ZNF804A: variants seen among roughly 807,000 people sequenced by gnomAD.
ZNF804A encodes the protein zinc finger protein 804A.
A neutral mutation model predicts 16.5 loss-of-function variants in ZNF804A; 2 were observed. The observed-to-expected ratio is 0.12, with a 90% CI of 0.05 to 0.38. The LOEUF is 0.38. Among genes scored for constraint, ZNF804A ranks in the 10% least tolerant of loss-of-function variants. The probability of loss-of-function intolerance (pLI) is 0.99; values close to 1 mark genes in which losing one functional copy is unlikely to be tolerated. For synonymous variants in ZNF804A, 534 were observed against 489.6 expected (o/e 1.09, Z -1.20); for missense variants, 1,473 against 1,390.7 (o/e 1.06, Z -0.94).
chr2:184,722,412 C>G (rs1693333234), intron 1 of ZNF804A, among the ~76,000 whole-genome samples: 1 of 151,948 alleles, frequency 6.6e-6, no homozygotes, highest in African/African-American at 2.4e-5. Context: ...ACATGGCTAT[C>G]TAGGAAATGT....
At chr2:184,656,752 A>G (rs1459708175) in intron 1 of ZNF804A, among the ~76,000 whole-genome samples, 3 of 151,748 alleles carry the variant, frequency 2.0e-5, no homozygotes, top group African/African-American at 7.3e-5. Context: ...ACACACACAT[A>G]TATATATACA....
At chr2:184,624,321 C>A (rs546421110) in intron 1 of ZNF804A, among the ~76,000 whole-genome samples, 4 of 152,146 alleles carry the variant, frequency 2.6e-5, no homozygotes, top group African/African-American at 9.7e-5. Context: ...TACTATAAGA[C>A]ATCTACAAGC....
In ZNF804A at chr2:184,801,994, TC is replaced by T. The variant is rs374274379; in HGVS notation, c.112-64374del. On this transcript the variant is annotated intron_variant, in intron 1 of 3. Transcript: ENST00000302277. ...CTGTAGGTGTCAGAGGCTTCAAATG[TC>T]TAGCACCCTGTTGTCCGGGGGCTTG... Among the ~76,000 whole-genome samples the T allele has an allele frequency of 3.5e-3, 531 of 152,314 alleles. 2 individuals carry two copies. Among genetic ancestry groups the T allele is most frequent in the Middle Eastern group, 0.017 (5 of 294 alleles).
rs184292526 is a variant in ZNF804A, at chr2:184,795,516, A to G, written c.112-70853A>G. ...CTAAGGTCACACCTCAAGGAACTAGAGAAAAAAAGAACAAATCAAACCCAA... is the reference window on the plus strand; with the variant it reads ...CTAAGGTCACACCTCAAGGAACTAGGGAAAAAAAGAACAAATCAAACCCAA... On this transcript the variant is annotated intron_variant, in intron 1 of 3. Transcript: ENST00000302277. 6.0e-4 allele frequency among the ~76,000 whole-genome samples: 91 copies of G among 152,240 alleles called. 1 individual carries two copies. Among genetic ancestry groups the G allele is most frequent in the South Asian group, 2.1e-4 (1 of 4,826 alleles).
rs115682664 is a variant in ZNF804A, at chr2:184,769,069, C to T, written c.112-97300C>T. Among the ~76,000 whole-genome samples, 1,329 of 152,126 alleles carry T rather than the reference C, an allele frequency of 8.7e-3. 17 individuals are homozygous for T. Among genetic ancestry groups the T allele is most frequent in the Non-Finnish European group, 0.014 (955 of 67,972 alleles). ...GCTTTTATTCATATGTTTTATAGCA[C>T]TTTCATGTCTTGTGTAGAGGGAAGG... is the stretch of plus-strand genomic sequence containing the variant. On this transcript the variant is annotated intron_variant, in intron 1 of 3. Transcript: ENST00000302277.
At chr2:184,886,157 G>A (rs910294357) in intron 2 of ZNF804A, among the ~76,000 whole-genome samples, 1 of 152,182 alleles carries the variant, frequency 6.6e-6, no homozygotes, top group Non-Finnish European at 1.5e-5. Context: ...CCAAATGGGA[G>A]AAATTGGCCA....
intron 1 of ZNF804A, among the ~76,000 whole-genome samples, chr2:184,734,478 C>A (rs780380480): frequency 1.1e-4 from 16 of 152,122 alleles, no homozygotes; most frequent in Non-Finnish European, 1.0e-4. Context: ...GATTTTCCAG[C>A]TATCCATCTG....
intron 2 of ZNF804A, among the ~76,000 whole-genome samples, chr2:184,923,323 A>G (rs575408194): frequency 6.6e-6 from 1 of 152,060 alleles, no homozygotes; most frequent in African/African-American, 2.4e-5. Flanking sequence ...AAATGAAATT[A>G]CTTTCTTAAT....
chr2:184,728,796 C>T (rs1309490747), intron 1 of ZNF804A, among the ~76,000 whole-genome samples: 1 of 151,766 alleles, frequency 6.6e-6, no homozygotes, highest in Non-Finnish European at 1.5e-5. Flanking sequence ...TCTTTTTCTT[C>T]CTTTAAAAGT....
At position 184,739,433 on chromosome 2, in the gene ZNF804A, A is replaced by G. The variant is rs1274189333; in HGVS notation, c.112-126936A>G. ...GGGGGGAACAGCGTCTCACTCCATC[A>G]CCCAGGCTGGAGTGCAGTGGCACGG... On this transcript the variant is annotated intron_variant, in intron 1 of 3. Coordinates refer to ENST00000302277, the MANE Select transcript of ZNF804A (RefSeq NM_194250.2). 2.0e-5 allele frequency among the ~76,000 whole-genome samples: 3 copies of G among 152,048 alleles called. No individual in the cohort carries two copies. In the East Asian group the frequency reaches 5.8e-4, roughly 29 times the overall value.
At chr2:184,640,407 C>CTATAAACA (rs2105693117) in intron 1 of ZNF804A, among the ~76,000 whole-genome samples, 1 of 151,772 alleles carries the variant, frequency 6.6e-6, no homozygotes, top group Non-Finnish European at 1.5e-5. Context: ...CTGATGAATT[C>CTATAAACA]TATAAACATT....
intron 1 of ZNF804A, among the ~76,000 whole-genome samples, chr2:184,831,029 T>C (rs1394888571): frequency 5.3e-5 from 8 of 152,114 alleles, no homozygotes; most frequent in African/African-American, 1.9e-4. Flanking sequence ...TTTTAAAATC[T>C]CCAGAATCTA....
Position 184,660,621 on chromosome 2 carries a change from G to A in ZNF804A, c.111+61551G>A, listed in dbSNP as rs137942900. Among the ~76,000 whole-genome samples the A allele has an allele frequency of 9.8e-4, 149 of 152,252 alleles. 7 individuals carry two copies. The East Asian group carries it at 0.026, about 26-fold the overall frequency. ...ATTAATCTCTCATACTATGTCAAAT[G>A]TCCTTCTAAGCACTGTGAAGATTCA... is the stretch of plus-strand genomic sequence containing the variant. On this transcript the variant is annotated intron_variant, in intron 1 of 3. Transcript: ENST00000302277.
chr2:184,656,161 G>A (rs1341617737), intron 1 of ZNF804A, among the ~76,000 whole-genome samples: 4 of 152,010 alleles, frequency 2.6e-5, no homozygotes, highest in African/African-American at 4.8e-5. Context: ...GGCATTTATG[G>A]TATGTGTATC....
chr2:184,700,399 C>A (rs572542980), intron 1 of ZNF804A, among the ~76,000 whole-genome samples: 2 of 151,944 alleles, frequency 1.3e-5, no homozygotes, highest in African/African-American at 4.8e-5. Flanking sequence ...TTACATAAGG[C>A]CTCTGTATTA....
chr2:184,784,918 C>T (rs1270349805), intron 1 of ZNF804A, among the ~76,000 whole-genome samples: 1 of 152,034 alleles, frequency 6.6e-6, no homozygotes, highest in Non-Finnish European at 1.5e-5. Context: ...TAGGTGGAAG[C>T]TGACCCAGTG....
At chr2:184,783,138 GTTTTT>G (rs57207733) in intron 1 of ZNF804A, among the ~76,000 whole-genome samples, 3,549 of 86,032 alleles carry the variant, frequency 0.041, 171 homozygotes, top group African/African-American at 0.13. Flanking sequence ...AAAAGAGTGA[GTTTTT>G]TTTTTTTTTT....
Position 184,829,899 on chromosome 2 carries a change from C to CAAAAAAAAAAAAAA in ZNF804A, c.112-36460_112-36447dup, listed in dbSNP as rs1244566222. Among the ~76,000 whole-genome samples the CAAAAAAAAAAAAAA allele has an allele frequency of 3.3e-4, 13 of 38,894 alleles. 2 individuals are homozygous for CAAAAAAAAAAAAAA. Among genetic ancestry groups the CAAAAAAAAAAAAAA allele is most frequent in the African/African-American group, 8.4e-4 (9 of 10,660 alleles). 25.5% of individuals were successfully genotyped at this position (38,894 alleles called of 152,430 possible). ...CAACATGTCAAAACCCTGTCTCTAC[C>CAAAAAAAAAAAAAA]AAAAAAAAAAAAAAAAAAAAAAACA... is the stretch of plus-strand genomic sequence containing the variant. On this transcript the variant is annotated intron_variant, in intron 1 of 3. Transcript: ENST00000302277.
intron 1 of ZNF804A, among the ~76,000 whole-genome samples, chr2:184,826,504 A>T (rs1373491732): frequency 6.6e-6 from 1 of 152,124 alleles, no homozygotes; most frequent in Non-Finnish European, 1.5e-5. Context: ...GAAATTGTTT[A>T]AAAATTATTG....
Sources: gnomAD v4.1 joint callset for allele counts (sites outside exome capture counted in the v4.1 genomes callset) on GRCh38, gnomAD v4.1.1 for gene constraint, MANE v1.5 for transcripts, NCBI Gene and HGNC (gene_info 2026-07-23, HGNC 2026-07-21) for gene names.